Variants in RHOT1 observed in about 807,000 individuals in gnomAD.
The protein encoded by RHOT1 is mitochondrial Rho GTPase 1.
A neutral mutation model predicts 95.3 loss-of-function variants in RHOT1; 27 were observed. The observed-to-expected ratio is 0.28, with a 90% CI of 0.21 to 0.39. RHOT1 has a LOEUF of 0.39. Ranked by LOEUF, RHOT1 falls within the 10% of genes least tolerant of loss-of-function variation. The pLI is 1.00. For synonymous variants in RHOT1, 227 were observed against 263.5 expected (o/e 0.86, Z 1.34); for missense variants, 578 against 786.7 (o/e 0.73, Z 3.17).
rs1458563941 is a variant in RHOT1, at chr17:32,143,713, A to G, written c.37+984A>G. Reference sequence around the variant, plus strand: ...CAAGTTATGTAACTCAGTTGCTAGGACTAAAATAAGAAAGTGGGCCAGGGA... The same window carrying G: ...CAAGTTATGTAACTCAGTTGCTAGGGCTAAAATAAGAAAGTGGGCCAGGGA... On this transcript the variant is annotated intron_variant, in intron 1 of 19. Coordinates refer to ENST00000545287, the MANE Select transcript of RHOT1 (RefSeq NM_001033566.3). Among the ~76,000 whole-genome samples, 2 of 152,226 alleles carry G rather than the reference A, an allele frequency of 1.3e-5. 1 individual carries two copies. The highest frequency in any genetic ancestry group is 6.3e-3 in the Middle Eastern group (2 of 316).
chr17:32,224,276 T>A (rs1032073278), intron 19 of RHOT1, among the ~76,000 whole-genome samples: 5 of 152,242 alleles, frequency 3.3e-5, no homozygotes, highest in Non-Finnish European at 5.9e-5. Context: ...AACACCGCCT[T>A]AATTTTCATT....
chr17:32,153,035 C>T (rs905669437), intron 1 of RHOT1, among the ~76,000 whole-genome samples: 3 of 152,160 alleles, frequency 2.0e-5, no homozygotes, highest in Admixed American at 6.6e-5. Flanking sequence ...CTCCTGGGCT[C>T]AAGTGATGTG....
chr17:32,171,903 A>G (rs1314099856), intron 2 of RHOT1, among the ~76,000 whole-genome samples: 1 of 152,236 alleles, frequency 6.6e-6, no homozygotes, highest in African/African-American at 2.4e-5. Flanking sequence ...AGTGCCACCA[A>G]AAGTAGTAAG....
intron 8 of RHOT1, among the ~76,000 whole-genome samples, chr17:32,190,682 C>T (rs2036423963): frequency 6.6e-6 from 1 of 152,076 alleles, no homozygotes; most frequent in Non-Finnish European, 1.5e-5. Context: ...TAATGACTAA[C>T]AGGATCACAT....
intron 1 of RHOT1, among the ~76,000 whole-genome samples, chr17:32,154,319 G>T (rs371221503): frequency 6.6e-6 from 1 of 150,414 alleles, no homozygotes; most frequent in South Asian, 2.1e-4. Context: ...AGTGGCTCAC[G>T]CCTGTAATCC....
chr17:32,197,661 C>G (rs554954338), intron 11 of RHOT1, among the ~76,000 whole-genome samples: 15 of 152,232 alleles, frequency 9.9e-5, no homozygotes, highest in Non-Finnish European at 1.9e-4. Context: ...ATCTCTTGAC[C>G]TCGTGATCTG....
chr17:32,206,344 T>A (rs527715287), intron 16 of RHOT1, among the ~76,000 whole-genome samples: 61 of 151,194 alleles, frequency 4.0e-4, no homozygotes, highest in African/African-American at 1.5e-3. Flanking sequence ...TAGCTGGGAC[T>A]ACAGGCACAC....
chr17:32,199,486 A>C lies in RHOT1; in HGVS notation c.1036A>C (p.Asn346His). ...TTACATACCTTGGGGGCCAGATGTG[A>C]ATAACACAGTTTGTACCAATGAAAG... Reference protein sequence around the residue: ...FPYIPWGPDVNNTVCTNERGW... With the variant: ...FPYIPWGPDVHNTVCTNERGW... Residue 346 changes from asparagine (N) to histidine (H), a missense_variant, in exon 13 of 20, where the codon AAT (asparagine) becomes CAT (histidine). By Grantham distance (68) the Asn-to-His change is moderately conservative. Transcript: ENST00000545287. 6.2e-7 allele frequency: 1 copy of C among 1,612,992 alleles called. No homozygotes were observed. The highest frequency in any genetic ancestry group is 8.5e-7 in the Non-Finnish European group (1 of 1,179,668).
At chr17:32,146,342 A>G (rs1471357215) in intron 1 of RHOT1, among the ~76,000 whole-genome samples, 1 of 152,220 alleles carries the variant, frequency 6.6e-6, no homozygotes, top group East Asian at 1.9e-4. Flanking sequence ...AAAAGAATGA[A>G]TGAGTTCAAG....
At chr17:32,209,150 C>A (rs2142898557) in intron 18 of RHOT1, 1 of 316,672 alleles carries the variant, frequency 3.2e-6, no homozygotes, top group East Asian at 5.0e-5. Context: ...TGACATTTTT[C>A]AAAAAGGTGT....
chr17:32,206,952 A>G lies in RHOT1; in HGVS notation c.1459A>G (p.Ile487Val), dbSNP rs1315696568. 3 of 1,608,212 alleles carry G rather than the reference A, an allele frequency of 1.9e-6. No individual in the cohort carries two copies. The highest frequency in any genetic ancestry group is 2.6e-6 in the Non-Finnish European group (3 of 1,175,632). The change falls in exon 17 of 20, where the codon ATC becomes GTC. Residue 487 changes from isoleucine (I) to valine (V), a missense_variant. Physicochemically the swap from Ile to Val is conservative, Grantham distance 29. Coordinates refer to ENST00000545287, the MANE Select transcript of RHOT1 (RefSeq NM_001033566.3). Reference protein sequence around the residue: ...SESEFLTEAEIICDVVCLVYD... With the variant: ...SESEFLTEAEVICDVVCLVYD... ...ATCGGAATTTCTAACTGAAGCTGAA[A>G]TCATTTGTGATGTTGTATGCCTGGT...
At chr17:32,142,802 G>A in intron 1 of RHOT1, 73 bp downstream of exon 1, 2 of 1,262,642 alleles carry the variant, frequency 1.6e-6, no homozygotes, top group Non-Finnish European at 1.1e-6. Flanking sequence ...CGCCCCTGTC[G>A]CCCCTGCAGC....
intron 11 of RHOT1, among the ~76,000 whole-genome samples, chr17:32,195,992 A>G (rs1244575305): frequency 2.0e-5 from 3 of 151,302 alleles, no homozygotes; most frequent in Non-Finnish European, 4.4e-5. Context: ...CACCTCTTTC[A>G]GTTTTTTTTA....
intron 1 of RHOT1, among the ~76,000 whole-genome samples, chr17:32,146,657 A>C: frequency 7.3e-6 from 1 of 137,226 alleles, no homozygotes; most frequent in Admixed American, 7.8e-5. Context: ...ATGGGGTTTC[A>C]CCATGTTAGG....
intron 19 of RHOT1, chr17:32,221,001 A>G (rs1567736495): frequency 2.4e-6 from 2 of 842,868 alleles, no homozygotes; most frequent in African/African-American, 1.8e-5. Flanking sequence ...CTAAGATGAT[A>G]TTTTCTATAA....
At position 32,211,225 on chromosome 17, in the gene RHOT1, G is replaced by A; in HGVS notation, c.1849G>A (p.Ala617Thr). 6.2e-7 allele frequency: 1 copy of A among 1,609,520 alleles called. No individual in the cohort carries two copies. The highest frequency in any genetic ancestry group is 8.5e-7 in the Non-Finnish European group (1 of 1,176,792). Residue 617 changes from alanine (A) to threonine (T), a missense_variant, in exon 19 of 20, where the codon GCA becomes ACA. By Grantham distance (58) the Ala-to-Thr change is moderately conservative. Transcript: ENST00000545287. ...ATCTGTAAAGAACAAAATCTTCACT[G>A]CAGTTCTTAACAGGTTCTTAACTTT... ...LQSVKNKIFT[A>T]VLNRHVTQAD...
At chr17:32,197,898 T>TA (rs1268862079) in intron 11 of RHOT1, among the ~76,000 whole-genome samples, 2 of 151,612 alleles carry the variant, frequency 1.3e-5, no homozygotes, top group African/African-American at 4.8e-5. Context: ...TGTTTGTTTT[T>TA]ATGTTTGTTT....
At chr17:32,147,980 T>G (rs1275689085) in intron 1 of RHOT1, among the ~76,000 whole-genome samples, 1 of 151,858 alleles carries the variant, frequency 6.6e-6, no homozygotes, top group Non-Finnish European at 1.5e-5. Flanking sequence ...AATTGCTTAA[T>G]AAGGGTGGGG....
intron 1 of RHOT1, among the ~76,000 whole-genome samples, chr17:32,145,614 A>AT (rs1045671974): frequency 6.6e-6 from 1 of 151,964 alleles, no homozygotes; most frequent in Non-Finnish European, 1.5e-5. Flanking sequence ...ATTCATTTTT[A>AT]TTTTTTTATT....
Sources: gnomAD v4.1 joint callset for allele counts (sites outside exome capture counted in the v4.1 genomes callset) on GRCh38, gnomAD v4.1.1 for gene constraint, MANE v1.5 for transcripts, NCBI Gene and HGNC (gene_info 2026-07-23, HGNC 2026-07-21) for gene names.